PPARG: variants seen among roughly 807,000 people sequenced by gnomAD.
PPARG encodes peroxisome proliferator activated receptor gamma.
PPARG carries 17 observed loss-of-function variants against 39.2 expected under a neutral mutation model. The observed-to-expected ratio is 0.43, with a 90% CI of 0.30 to 0.65. The LOEUF (loss-of-function observed/expected upper bound fraction) is 0.65, where lower values mean the gene tolerates loss of function less well. Among genes scored for constraint, PPARG ranks in the 30% least tolerant of loss-of-function variants. The pLI, the probability that PPARG is intolerant of heterozygous loss-of-function variation, is 0.13. For synonymous variants in PPARG, 223 were observed against 215.7 expected (o/e 1.03, Z -0.30); for missense variants, 406 against 585.9 (o/e 0.69, Z 3.17).
chr3:12,291,331 ACT>A (rs1204936903), intron 1 of PPARG, among the ~76,000 whole-genome samples: 1 of 152,152 alleles, frequency 6.6e-6, no homozygotes, highest in Non-Finnish European at 1.5e-5. Context: ...ATCTAATTTG[ACT>A]CCACAAAAGA....
intron 2 of PPARG, among the ~76,000 whole-genome samples, chr3:12,326,355 A>G (rs990736312): frequency 5.9e-5 from 9 of 151,872 alleles, no homozygotes; most frequent in Non-Finnish European, 1.2e-4. Context: ...GACCACTGAA[A>G]CAGCAAGCCA....
chr3:12,305,864 A>C (rs903244446), intron 1 of PPARG: 1 of 152,248 alleles, frequency 6.6e-6, no homozygotes, highest in Admixed American at 6.5e-5. Context: ...ACCATTCTGC[A>C]GTTTAAATCT....
At chr3:12,323,012 G>T (rs779331189) in intron 2 of PPARG, among the ~76,000 whole-genome samples, 5 of 151,618 alleles carry the variant, frequency 3.3e-5, no homozygotes, top group Non-Finnish European at 7.4e-5. Context: ...CGCTATGTTG[G>T]CCAGCCTGGT....
chr3:12,397,423 ATTATTG>A (rs1480822130), intron 5 of PPARG, among the ~76,000 whole-genome samples: 4 of 137,780 alleles, frequency 2.9e-5, no homozygotes, highest in South Asian at 2.4e-4. Context: ...TATTATTATT[ATTATTG>A]AGACAAAGTC....
intron 7 of PPARG, among the ~76,000 whole-genome samples, chr3:12,428,676 G>A (rs1046924974): frequency 3.9e-5 from 6 of 152,258 alleles, no homozygotes; most frequent in South Asian, 4.1e-4. Flanking sequence ...AAAGGGGAAA[G>A]AGACTAGTGG....
At chr3:12,325,880 C>T (rs1257818740) in intron 2 of PPARG, among the ~76,000 whole-genome samples, 1 of 152,016 alleles carries the variant, frequency 6.6e-6, no homozygotes, top group Non-Finnish European at 1.5e-5. Context: ...TTTGTAGTTA[C>T]TTAAAAATTA....
At chr3:12,398,472 A>G (rs2050345899) in intron 5 of PPARG, among the ~76,000 whole-genome samples, 1 of 152,218 alleles carries the variant, frequency 6.6e-6, no homozygotes, top group South Asian at 2.1e-4. Context: ...AGAGATGCCT[A>G]TAGAGTATCC....
intron 2 of PPARG, among the ~76,000 whole-genome samples, chr3:12,341,776 T>C (rs1285342086): frequency 1.3e-5 from 2 of 152,098 alleles, no homozygotes; most frequent in Non-Finnish European, 2.9e-5. Context: ...GCTGCTGCAC[T>C]CCAGCCTGGG....
intron 4 of PPARG, among the ~76,000 whole-genome samples, chr3:12,387,996 A>G (rs527550583): frequency 1.3e-5 from 2 of 152,294 alleles, no homozygotes; most frequent in South Asian, 4.1e-4. Context: ...GCTGTCAGCT[A>G]GCCAAGTAGC....
intron 7 of PPARG, among the ~76,000 whole-genome samples, chr3:12,417,880 T>C (rs1233230587): frequency 1.1e-4 from 14 of 132,964 alleles, no homozygotes; most frequent in Admixed American, 3.3e-4. Flanking sequence ...CTTTTTTCTT[T>C]TTTTTTTCTT....
intron 2 of PPARG, among the ~76,000 whole-genome samples, chr3:12,348,558 G>T (rs1016377483): frequency 6.6e-6 from 1 of 152,186 alleles, no homozygotes; most frequent in African/African-American, 2.4e-5. Context: ...TGCTGAGGAT[G>T]TGGTGGTGTA....
intron 7 of PPARG, among the ~76,000 whole-genome samples, chr3:12,431,335 G>A (rs937232502): frequency 2.0e-5 from 3 of 152,134 alleles, no homozygotes; most frequent in Non-Finnish European, 4.4e-5. Context: ...TGAGAGTACC[G>A]TTTATCAAAG....
chr3:12,379,375 C>T, intron 2 of PPARG, among the ~76,000 whole-genome samples: 1 of 152,286 alleles, frequency 6.6e-6, no homozygotes, highest in South Asian at 2.1e-4. Context: ...AAATAAATAA[C>T]AGCAGTCATT....
At position 12,364,225 on chromosome 3, in the gene PPARG, C is replaced by T. The variant is rs4135309; in HGVS notation, c.-8-15479C>T. On this transcript the variant is annotated intron_variant, in intron 2 of 7. Coordinates refer to ENST00000651735, the MANE Select transcript of PPARG (RefSeq NM_138711.6). ...ATCCACCTGTTCATTCCGTTCTCCC[C>T]CAAACTTCTGACTACCACTGATCTT... Among the ~76,000 whole-genome samples the T allele has an allele frequency of 8.4e-3, 1,287 of 152,308 alleles. 13 individuals carry two copies. The highest frequency in any genetic ancestry group is 0.029 in the African/African-American group (1,194 of 41,558).
At chr3:12,378,948 C>T (rs2049518467) in intron 2 of PPARG, among the ~76,000 whole-genome samples, 1 of 152,198 alleles carries the variant, frequency 6.6e-6, no homozygotes, top group South Asian at 2.1e-4. Context: ...TAAAACATCA[C>T]ATTGAATACC....
chr3:12,406,335 C>A (rs1055104848), intron 6 of PPARG: 21 of 483,796 alleles, frequency 4.3e-5, no homozygotes, highest in African/African-American at 3.9e-4. Flanking sequence ...GTCATCCTAA[C>A]TTTAATGAAT....
intron 2 of PPARG, among the ~76,000 whole-genome samples, chr3:12,362,071 G>GT (rs2125120355): frequency 6.6e-6 from 1 of 152,104 alleles, no homozygotes; most frequent in East Asian, 1.9e-4. Context: ...GTATTTGATT[G>GT]TTTTAATGCT....
intron 5 of PPARG, among the ~76,000 whole-genome samples, chr3:12,394,739 A>T (rs1401363129): frequency 6.6e-6 from 1 of 152,190 alleles, no homozygotes; most frequent in Non-Finnish European, 1.5e-5. Context: ...CAAGGTTTTG[A>T]TTAGTTTTGC....
chr3:12,429,774 G>A (rs777870259), intron 7 of PPARG, among the ~76,000 whole-genome samples: 1 of 152,142 alleles, frequency 6.6e-6, no homozygotes, highest in Non-Finnish European at 1.5e-5. Context: ...CAAGGTGCCA[G>A]TCTGGGGCCC....
Sources: allele counts gnomAD v4.1 joint callset (sites outside exome capture counted in the v4.1 genomes callset), GRCh38; gene constraint gnomAD v4.1.1; transcripts MANE v1.5; gene names NCBI Gene and HGNC (gene_info 2026-07-23, HGNC 2026-07-21).